The following GALK1 variants were observed in gnomAD, a reference collection of about 807,000 sequenced individuals.
GALK1 encodes galactokinase.
A neutral mutation model predicts 38.6 loss-of-function variants in GALK1; 30 were observed. The observed-to-expected ratio is 0.78, with a 90% CI of 0.58 to 1.05. GALK1 has a LOEUF of 1.05. Ranked by LOEUF, GALK1 falls within the 50% of genes least tolerant of loss-of-function variation. The pLI, the probability that GALK1 is intolerant of heterozygous loss-of-function variation, is 0.00. For missense variants in GALK1, 512 were observed against 540.5 expected, an observed-to-expected ratio of 0.95 and a Z score of 0.52; for synonymous variants, 240 against 233.6, an observed-to-expected ratio of 1.03 and a Z score of -0.25.
chr17:75,753,886 C>A, downstream of GALK1: 1 of 1,316,430 alleles, frequency 7.6e-7, no homozygotes, highest in Non-Finnish European at 9.6e-7. Context: ...CCTCCGACGC[C>A]GAGGCGCCCC....
downstream of GALK1, chr17:75,756,811 G>A: frequency 4.3e-6 from 7 of 1,612,540 alleles, no homozygotes; most frequent in Non-Finnish European, 5.9e-6. Context: ...GAGGCCCAAT[G>A]GGGATATCGT....
At chr17:75,752,820 C>A (rs1260866153) in intron 8 of GALK1, among the ~76,000 whole-genome samples, 3 of 152,186 alleles carry the variant, frequency 2.0e-5, no homozygotes, top group Non-Finnish European at 4.4e-5. Flanking sequence ...CGAAGAAACA[C>A]AGCTTCACAA....
intron 5 of GALK1, among the ~76,000 whole-genome samples, chr17:75,762,430 T>C (rs904651446): frequency 3.3e-5 from 5 of 152,194 alleles, no homozygotes; most frequent in African/African-American, 1.2e-4. Context: ...AGTGGCTATC[T>C]CTGGGTAGTG....
At position 75,762,747 on chromosome 17, in the gene GALK1, C is replaced by T. The variant is rs2061592495; in HGVS notation, c.750G>A (p.Leu250=). 1.2e-6 allele frequency: 2 copies of T among 1,613,788 alleles called. No homozygotes were observed. Among genetic ancestry groups the T allele is most frequent in the Non-Finnish European group, 1.7e-6 (2 of 1,180,040 alleles). Residue 250 remains leucine, a synonymous_variant, in exon 5 of 8, where the codon CTG becomes CTA. Transcript: ENST00000588479. The part of the protein sequence containing the change: ...RRQCEEVARA[L]GKESLREVQL... ...GTACCTCCCGGAGGCTTTCCTTGCC[C>T]AGCGCCCGGGCCACTTCTTCACATT... is the stretch of plus-strand genomic sequence containing the variant.
chr17:75,754,956 G>GTATA, downstream of GALK1: 1 of 1,198,702 alleles, frequency 8.3e-7, no homozygotes, highest in Non-Finnish European at 1.2e-6. Flanking sequence ...GCACACACGT[G>GTATA]CACACGCATG....
At chr17:75,755,670 T>TCTC (rs999240670), downstream of GALK1, 1 of 1,612,060 alleles carries the variant, frequency 6.2e-7, no homozygotes, top group African/African-American at 1.3e-5. Context: ...AGCCCCTGCA[T>TCTC]CTCTGGCTGA....
At chr17:75,763,820 C>T (rs2061598358) in intron 2 of GALK1, 77 bp downstream of exon 2, 2 of 1,362,986 alleles carry the variant, frequency 1.5e-6, no homozygotes, top group Admixed American at 1.8e-5. Context: ...GTGTATCAGA[C>T]AAATGAATGG....
At chr17:75,763,512 G>T in intron 2 of GALK1, 73 bp from the exon 3 acceptor site, 1 of 1,499,114 alleles carries the variant, frequency 6.7e-7, no homozygotes. Flanking sequence ...AGGTGTCCTG[G>T]CGGGAAGGGC....
At chr17:75,762,150 C>T (rs558624877) in intron 5 of GALK1, among the ~76,000 whole-genome samples, 6 of 152,148 alleles carry the variant, frequency 3.9e-5, no homozygotes, top group South Asian at 4.1e-4. Flanking sequence ...ACTGCAAGAC[C>T]GTCTTTACAA....
intron 5 of GALK1, among the ~76,000 whole-genome samples, chr17:75,759,244 A>G (rs1170634045): frequency 3.9e-5 from 6 of 152,118 alleles, no homozygotes; most frequent in Admixed American, 3.3e-4. Flanking sequence ...CCTGGCCAAC[A>G]TGGCGAAACC....
chr17:75,752,174 G>T (rs1410224882), intron 8 of GALK1: 1 of 1,613,838 alleles, frequency 6.2e-7, no homozygotes, highest in African/African-American at 1.3e-5. Flanking sequence ...TCTGCCCCAG[G>T]ACCTATTGGG....
intron 6 of GALK1, 33 bp from the exon 7 acceptor site, chr17:75,758,405 G>C: frequency 6.3e-7 from 1 of 1,577,990 alleles, no homozygotes; most frequent in Non-Finnish European, 8.6e-7. Context: ...GTGGGCCTGG[G>C]CCGGCCTGTG....
intron 1 of GALK1, chr17:75,764,635 C>A: frequency 2.1e-6 from 1 of 479,580 alleles, no homozygotes; most frequent in Non-Finnish European, 3.9e-6. Context: ...CCACGGTGGC[C>A]GGAGGCGCGG....
At chr17:75,754,955 T>C, downstream of GALK1, 2 of 1,280,000 alleles carry the variant, frequency 1.6e-6, no homozygotes, top group Non-Finnish European at 2.2e-6. Flanking sequence ...CGCACACACG[T>C]GCACACGCAT....
intron 5 of GALK1, 23 bp from the exon 6 acceptor site, chr17:75,758,622 C>T (rs2061568939): frequency 6.4e-7 from 1 of 1,574,120 alleles, no homozygotes; most frequent in Non-Finnish European, 8.6e-7. Context: ...GAGGAGTCAG[C>T]AGCCGCCTTC....
downstream of GALK1, chr17:75,755,924 C>G: frequency 6.5e-7 from 1 of 1,533,450 alleles, no homozygotes; most frequent in South Asian, 1.2e-5. Flanking sequence ...CATAGGGTAC[C>G]TCAGCTGTGT....
At chr17:75,753,898 C>T (rs897137492), downstream of GALK1, 7 of 1,299,342 alleles carry the variant, frequency 5.4e-6, no homozygotes, top group African/African-American at 4.6e-5. Context: ...AGGCGCCCCA[C>T]GGGCCCCCGG....
downstream of GALK1, chr17:75,753,686 C>A: frequency 3.0e-6 from 3 of 991,258 alleles, no homozygotes; most frequent in Non-Finnish European, 3.9e-6. Flanking sequence ...CCTCGCAGAG[C>A]CTACGGCCTT....
At chr17:75,755,999 C>T (rs2061491756), downstream of GALK1, 1 of 959,632 alleles carries the variant, frequency 1.0e-6, no homozygotes, top group Non-Finnish European at 1.6e-6. Context: ...TCTCCCACCC[C>T]ATTCTCCACC....
Sources: allele counts gnomAD v4.1 joint callset (sites outside exome capture counted in the v4.1 genomes callset), GRCh38; gene constraint gnomAD v4.1.1; transcripts MANE v1.5; gene names NCBI Gene and HGNC (gene_info 2026-07-23, HGNC 2026-07-21).